Variants in SERPINB8 observed in about 807,000 individuals in gnomAD.
SERPINB8 encodes the protein serpin family B member 8, also known as serpin B8.
In SERPINB8, 25 loss-of-function variants were observed where a neutral mutation model predicts 35.3. The ratio of observed to expected loss-of-function variants is 0.71; its 90% CI spans 0.52 to 0.99. SERPINB8 has a LOEUF of 0.99. Ranked by LOEUF, SERPINB8 falls within the 50% of genes least tolerant of loss-of-function variation. SERPINB8 has a pLI of 0.00. For missense variants in SERPINB8, 484 were observed against 446.5 expected, an observed-to-expected ratio of 1.08 and a Z score of -0.76; for synonymous variants, 186 against 160.8, an observed-to-expected ratio of 1.16 and a Z score of -1.19.
At chr18:63,975,499 CTT>C (rs2050567469) in intron 1 of SERPINB8, among the ~76,000 whole-genome samples, 1 of 152,288 alleles carries the variant, frequency 6.6e-6, no homozygotes, top group African/African-American at 2.4e-5. Context: ...TAAACAACCT[CTT>C]AAGTATAGAG....
downstream of SERPINB8, among the ~76,000 whole-genome samples, chr18:64,009,194 G>A (rs2050914623): frequency 6.6e-6 from 1 of 152,162 alleles, no homozygotes; most frequent in Non-Finnish European, 1.5e-5. Flanking sequence ...TGTCATTAAA[G>A]ATGACCAAAA....
chr18:63,994,393 A>G (rs2050838835), intron 1 of SERPINB8, among the ~76,000 whole-genome samples: 2 of 151,994 alleles, frequency 1.3e-5, no homozygotes, highest in Admixed American at 1.3e-4. Context: ...AATTAAGCAC[A>G]ATGCCTTTTT....
At position 63,998,362 on chromosome 18, in the gene SERPINB8, C is replaced by A. The variant is rs201196016; in HGVS notation, c.71-6457C>A. Among the ~76,000 whole-genome samples, 8 of 152,304 alleles carry A rather than the reference C, an allele frequency of 5.3e-5. No individual in the cohort carries two copies. The East Asian group carries it at 1.5e-3, about 29-fold the overall frequency. On this transcript the variant is annotated intron_variant, in intron 1 of 1. Coordinates refer to the SERPINB8 transcript ENST00000493661. ...GTATCTAATAATGGCCCAAACGATA[C>A]ATTTGCAGCCCAAACTATACATGGG...
intron 4 of SERPINB8, among the ~76,000 whole-genome samples, chr18:63,982,458 A>G (rs2050687423): frequency 6.6e-6 from 1 of 152,116 alleles, no homozygotes; most frequent in African/African-American, 2.4e-5. Context: ...AAGCATCCTA[A>G]ATACCTAACA....
At chr18:63,992,060 A>C (rs1051249875), downstream of SERPINB8, among the ~76,000 whole-genome samples, 5 of 152,214 alleles carry the variant, frequency 3.3e-5, no homozygotes, top group African/African-American at 9.6e-5. Context: ...AGAATTGCTC[A>C]TCTCCATTCA....
chr18:64,008,504 C>G (rs1225280851), downstream of SERPINB8, among the ~76,000 whole-genome samples: 1 of 151,890 alleles, frequency 6.6e-6, no homozygotes, highest in Non-Finnish European at 1.5e-5. Context: ...CTGCCTTGGC[C>G]TCCCAAAGTG....
chr18:63,977,475 C>T (rs1454656710), intron 1 of SERPINB8, among the ~76,000 whole-genome samples: 1 of 152,034 alleles, frequency 6.6e-6, no homozygotes, highest in Non-Finnish European at 1.5e-5. Flanking sequence ...TTACAGGTGC[C>T]CGCCACCATG....
At chr18:64,002,879 C>T (rs2050882759) in intron 1 of SERPINB8, among the ~76,000 whole-genome samples, 2 of 152,190 alleles carry the variant, frequency 1.3e-5, no homozygotes, top group South Asian at 2.1e-4. Context: ...TGCGGTCGTG[C>T]CCTTTGAGAA....
At position 63,983,932 on chromosome 18, in the gene SERPINB8, G is replaced by A. The variant is rs552742657; in HGVS notation, c.567+211G>A. Among the ~76,000 whole-genome samples the A allele has an allele frequency of 1.2e-4, 18 of 152,110 alleles. No individual in the cohort carries two copies. The South Asian group carries it at 3.5e-3, about 30-fold the overall frequency. On this transcript the variant is annotated intron_variant, in intron 5 of 6. Transcript: ENST00000397985. ...TGTAATCTCAGCTCACTGCAGCCTC[G>A]ACCTCCCAGGCTCAAATGATTCCCC...
chr18:63,992,147 A>G (rs1425773602), downstream of SERPINB8, among the ~76,000 whole-genome samples: 2 of 152,176 alleles, frequency 1.3e-5, no homozygotes, highest in African/African-American at 4.8e-5. Context: ...TCTGGTCTCA[A>G]AGAATGAGTT....
intron 7 of SERPINB8, among the ~76,000 whole-genome samples, chr18:64,018,612 T>C (rs991159428): frequency 1.3e-5 from 2 of 152,226 alleles, no homozygotes; most frequent in Non-Finnish European, 2.9e-5. Context: ...AATTCTTTAC[T>C]TTTGTTTACT....
downstream of SERPINB8, among the ~76,000 whole-genome samples, chr18:63,994,053 C>T (rs2050837020): frequency 6.6e-6 from 1 of 152,026 alleles, no homozygotes; most frequent in Admixed American, 6.5e-5. Context: ...ATCCTTCCCC[C>T]ATCCCATCCC....
At chr18:64,013,934 A>T (rs1411304088) in intron 7 of SERPINB8, among the ~76,000 whole-genome samples, 2 of 152,318 alleles carry the variant, frequency 1.3e-5, no homozygotes, top group African/African-American at 4.8e-5. Flanking sequence ...GGAACATCAA[A>T]GTTGTTAAGT....
At position 63,987,410 on chromosome 18, in the gene SERPINB8, T is replaced by G; in HGVS notation, c.*132T>G. The G allele has an allele frequency of 1.0e-6, 1 of 987,816 alleles. No homozygotes were observed. Among genetic ancestry groups the G allele is most frequent in the Non-Finnish European group, 1.5e-6 (1 of 674,028 alleles). The allele number at this position is 987,816 out of a possible 1,614,324, so 61.2% of individuals were successfully genotyped here. On this transcript the variant is annotated 3_prime_UTR_variant, in exon 7 of 7. Coordinates refer to ENST00000397985, the MANE Select transcript of SERPINB8 (RefSeq NM_002640.4). ...GTGTGCACTGGATAGTGTGTGAAAGTCTTTGCTGAAAGTTCCAGAGCCATT... is the reference window on the plus strand; with the variant it reads ...GTGTGCACTGGATAGTGTGTGAAAGGCTTTGCTGAAAGTTCCAGAGCCATT...
At chr18:64,002,803 C>G (rs950521430) in intron 1 of SERPINB8, among the ~76,000 whole-genome samples, 4 of 152,186 alleles carry the variant, frequency 2.6e-5, no homozygotes, top group African/African-American at 7.2e-5. Flanking sequence ...ACCGCGGGTC[C>G]GCCCTCGGTG....
At chr18:63,975,112 T>TACAC (rs60613919) in intron 1 of SERPINB8, among the ~76,000 whole-genome samples, 102 of 147,472 alleles carry the variant, frequency 6.9e-4, no homozygotes, top group East Asian at 5.4e-3. Context: ...TAAACACACC[T>TACAC]ACACACACAC....
chr18:64,008,485 G>T (rs1334083938), downstream of SERPINB8, among the ~76,000 whole-genome samples: 1 of 151,832 alleles, frequency 6.6e-6, no homozygotes, highest in African/African-American at 2.4e-5. Context: ...CTGAGCTCAG[G>T]TGATCTGTCT....
At chr18:64,005,105 A>C in exon 2 of SERPINB8, 1 of 359,878 alleles carries the variant, frequency 2.8e-6, no homozygotes, top group Non-Finnish European at 4.9e-6. Flanking sequence ...ATATAAAAGG[A>C]TTTGGTTATG....
At chr18:63,998,531 G>A (rs577236564) in intron 1 of SERPINB8, among the ~76,000 whole-genome samples, 1 of 152,288 alleles carries the variant, frequency 6.6e-6, no homozygotes, top group East Asian at 1.9e-4. Context: ...ACATGTCTCA[G>A]GTGTGCAATT....
Sources: gnomAD v4.1 joint callset for allele counts (sites outside exome capture counted in the v4.1 genomes callset) on GRCh38, gnomAD v4.1.1 for gene constraint, MANE v1.5 for transcripts, NCBI Gene and HGNC (gene_info 2026-07-23, HGNC 2026-07-21) for gene names.